Variants in FOXP1 observed in about 807,000 individuals in gnomAD.
The protein encoded by FOXP1 is forkhead box protein P1.
FOXP1 carries 15 observed loss-of-function variants against 98.2 expected under a neutral mutation model. The ratio of observed to expected loss-of-function variants is 0.15; its 90% CI spans 0.10 to 0.24. The LOEUF is 0.24. Among genes scored for constraint, FOXP1 ranks in the 10% least tolerant of loss-of-function variants. The probability of loss-of-function intolerance (pLI) is 1.00; values close to 1 mark genes in which losing one functional copy is unlikely to be tolerated. For missense variants in FOXP1, 633 were observed against 848.5 expected (o/e 0.75, Z 3.15); for synonymous variants, 371 against 314.5 (o/e 1.18, Z -1.90).
intron 3 of FOXP1, among the ~76,000 whole-genome samples, chr3:71,396,559 A>T (rs2081386062): frequency 1.3e-5 from 2 of 152,024 alleles, no homozygotes; most frequent in African/African-American, 4.8e-5. Flanking sequence ...CACTAAACAA[A>T]GACTCCTAAA....
intron 6 of FOXP1, among the ~76,000 whole-genome samples, chr3:71,161,908 A>G (rs1441352405): frequency 6.6e-6 from 1 of 152,250 alleles, no homozygotes; most frequent in East Asian, 1.9e-4. Flanking sequence ...CCTATAACTG[A>G]AGGCACTGGA....
At chr3:71,104,128 T>C (rs1037161912) in intron 7 of FOXP1, among the ~76,000 whole-genome samples, 4 of 152,160 alleles carry the variant, frequency 2.6e-5, no homozygotes, top group African/African-American at 9.7e-5. Context: ...GGGCGCATCA[T>C]CGTCTATACT....
intron 4 of FOXP1, among the ~76,000 whole-genome samples, chr3:71,300,363 G>C (rs942213975): frequency 4.6e-5 from 7 of 152,190 alleles, no homozygotes; most frequent in Admixed American, 4.6e-4. Context: ...ATGAATGAAA[G>C]CAGCACCATT....
chr3:71,032,110 C>T (rs534344694), intron 11 of FOXP1, among the ~76,000 whole-genome samples: 1 of 152,376 alleles, frequency 6.6e-6, no homozygotes, highest in Admixed American at 6.5e-5. Flanking sequence ...GCCTGCTCTT[C>T]ACACTACATT....
rs36082238 is a variant in FOXP1 at position 71,379,608 on chromosome 3, GAA to G, written c.-167-20366_-167-20365del. Among the ~76,000 whole-genome samples the G allele has an allele frequency of 1.7e-4, 26 of 149,762 alleles. 1 individual carries two copies. The highest frequency in any genetic ancestry group is 1.0e-3 in the South Asian group (5 of 4,772). On this transcript the variant is annotated intron_variant, in intron 3 of 20. Coordinates refer to ENST00000649528, the MANE Select transcript of FOXP1 (RefSeq NM_001349338.3). ...ATTGTATGTTTTTAAATGGTTAGGG[GAA>G]AAAAAAAAATCTAAAGAAGAGGCAA...
At position 71,387,195 on chromosome 3, in the gene FOXP1, T is replaced by G. The variant is rs546508316; in HGVS notation, c.-167-27951A>C. On this transcript the variant is annotated intron_variant, in intron 3 of 20. Coordinates refer to ENST00000649528, the MANE Select transcript of FOXP1 (RefSeq NM_001349338.3). ...ACACTTTATTCCTAAGGACAGAATT[T>G]GAATATGAACTTTTGCTTTTTCAAA... Among the ~76,000 whole-genome samples, 4 of 152,310 alleles carry G rather than the reference T, an allele frequency of 2.6e-5. No individual in the cohort carries two copies. The East Asian group carries it at 7.7e-4, about 29-fold the overall frequency.
chr3:71,262,308 A>G (rs922925289), intron 5 of FOXP1, among the ~76,000 whole-genome samples: 20 of 135,742 alleles, frequency 1.5e-4, no homozygotes, highest in African/African-American at 5.0e-4. Flanking sequence ...AAAAATTGTC[A>G]GGTCCCTACT....
intron 20 of FOXP1, among the ~76,000 whole-genome samples, chr3:70,962,851 C>T (rs2033870820): frequency 6.6e-6 from 1 of 152,152 alleles, no homozygotes; most frequent in Admixed American, 6.5e-5. Context: ...GAAGTTCTTG[C>T]TGTATAATTT....
chr3:71,380,841 TAAC>T (rs2080102327), intron 3 of FOXP1, among the ~76,000 whole-genome samples: 1 of 152,108 alleles, frequency 6.6e-6, no homozygotes, highest in Non-Finnish European at 1.5e-5. Flanking sequence ...CTGGTTCTGC[TAAC>T]AACAATTTCT....
At chr3:70,995,311 T>A (rs946013621) in intron 13 of FOXP1, among the ~76,000 whole-genome samples, 1 of 152,176 alleles carries the variant, frequency 6.6e-6, no homozygotes, top group Admixed American at 6.5e-5. Context: ...GGAGTTCTTA[T>A]CCTCAACAAC....
In FOXP1 at chr3:70,955,008, G is replaced by A. The variant is rs1215347998; in HGVS notation, c.*4239C>T. The stretch of plus-strand genomic sequence containing the variant: ...GCAGAGATTGCGTGAGCTACACTGG[G>A]CCCAAGAAATGCCTTCAGCATTGTA... On this transcript the variant is annotated 3_prime_UTR_variant, in exon 21 of 21. Coordinates refer to ENST00000649528, the MANE Select transcript of FOXP1 (RefSeq NM_001349338.3). The A allele has an allele frequency of 8.6e-6, 2 of 232,228 alleles. No homozygotes were observed. The highest frequency in any genetic ancestry group is 8.5e-6 in the Non-Finnish European group (1 of 117,494). The allele number at this position is 232,228 out of a possible 1,614,324, so 14.4% of individuals were successfully genotyped here.
rs553919828 is a variant in FOXP1, at chr3:71,111,799, T to C, written c.282+737A>G. Reference sequence around the variant, plus strand: ...AGTTGCTAGAACAACCATTTTTGTATCTTTACATAAAAATTTCTTGCCATT... The same window carrying C: ...AGTTGCTAGAACAACCATTTTTGTACCTTTACATAAAAATTTCTTGCCATT... On this transcript the variant is annotated intron_variant, in intron 7 of 20. Coordinates refer to ENST00000649528, the MANE Select transcript of FOXP1 (RefSeq NM_001349338.3). Among the ~76,000 whole-genome samples, 448 of 152,326 alleles carry C rather than the reference T, an allele frequency of 2.9e-3. 1 individual carries two copies. The highest frequency in any genetic ancestry group is 0.01 in the African/African-American group (432 of 41,566).
intron 12 of FOXP1, among the ~76,000 whole-genome samples, chr3:71,002,045 G>C (rs952606126): frequency 2.6e-5 from 4 of 152,146 alleles, no homozygotes; most frequent in African/African-American, 9.7e-5. Flanking sequence ...GATTTTTAAG[G>C]CTTCTGGGTG....
chr3:71,102,109 G>A (rs77387049), intron 7 of FOXP1, among the ~76,000 whole-genome samples: 22,208 of 151,996 alleles, frequency 0.15, 2,357 homozygotes, highest in East Asian at 0.45. Context: ...ACAGCAAGGT[G>A]GCTGAAGTCC....
At chr3:71,376,559 AC>A (rs1347025505) in intron 3 of FOXP1, among the ~76,000 whole-genome samples, 2 of 152,260 alleles carry the variant, frequency 1.3e-5, no homozygotes, top group Non-Finnish European at 1.5e-5. Flanking sequence ...TAGTAGAAAT[AC>A]CAAATTGGAA....
intron 3 of FOXP1, among the ~76,000 whole-genome samples, chr3:71,411,229 C>A (rs1339237668): frequency 1.3e-5 from 2 of 152,082 alleles, no homozygotes; most frequent in Non-Finnish European, 2.9e-5. Context: ...CCAGTTCCCC[C>A]TCCAGAGTGG....
chr3:71,263,688 A>T (rs2069371370), intron 5 of FOXP1, among the ~76,000 whole-genome samples: 1 of 152,126 alleles, frequency 6.6e-6, no homozygotes, highest in Non-Finnish European at 1.5e-5. Context: ...CTACTGAAAA[A>T]TTACTTAATA....
At position 71,085,321 on chromosome 3, in the gene FOXP1, AT is replaced by A. The variant is rs930931613; in HGVS notation, c.282+27214del. ...CCACATTCAGCTAATTTAAAAAAAA[AT>A]TTTTTTTTGTAGAGATAGGGTCTCC... On this transcript the variant is annotated intron_variant, in intron 7 of 20. Coordinates refer to ENST00000649528, the MANE Select transcript of FOXP1 (RefSeq NM_001349338.3). 5.9e-5 allele frequency among the ~76,000 whole-genome samples: 9 copies of A among 151,422 alleles called. No individual in the cohort carries two copies. In the South Asian group the frequency reaches 1.5e-3, roughly 25 times the overall value.
intron 5 of FOXP1, among the ~76,000 whole-genome samples, chr3:71,270,898 G>T (rs1202972641): frequency 6.6e-6 from 1 of 152,168 alleles, no homozygotes; most frequent in African/African-American, 2.4e-5. Flanking sequence ...CTCCCAAGGT[G>T]CAAGATATGA....
Sources: gnomAD v4.1 joint callset for allele counts (sites outside exome capture counted in the v4.1 genomes callset) on GRCh38, gnomAD v4.1.1 for gene constraint, MANE v1.5 for transcripts, NCBI Gene and HGNC (gene_info 2026-07-23, HGNC 2026-07-21) for gene names.